Variants in FOXP2 observed in about 807,000 individuals in gnomAD.
FOXP2 encodes forkhead box P2, also known as forkhead box protein P2.
Under a neutral mutation model 115.8 loss-of-function variants are expected in FOXP2, and 12 were observed. That is an observed-to-expected ratio of 0.10 (90% CI 0.07 to 0.17). FOXP2 has a LOEUF of 0.17. Among genes scored for constraint, FOXP2 ranks in the 10% least tolerant of loss-of-function variants. The pLI is 1.00. For synonymous variants in FOXP2, 328 were observed against 297.7 expected (o/e 1.10, Z -1.05); for missense variants, 629 against 843.5 (o/e 0.75, Z 3.15).
At chr7:114,184,229 G>A (rs1398002051) in intron 1 of FOXP2, among the ~76,000 whole-genome samples, 1 of 152,064 alleles carries the variant, frequency 6.6e-6, no homozygotes, top group African/African-American at 2.4e-5. Context: ...GCCCATTTCT[G>A]AGTTGGTTAT....
At chr7:114,572,906 A>G (rs573880410) in intron 3 of FOXP2, among the ~76,000 whole-genome samples, 4 of 151,990 alleles carry the variant, frequency 2.6e-5, no homozygotes, top group African/African-American at 9.6e-5. Context: ...TTGTTGCCCA[A>G]GTTTGTGATG....
chr7:114,531,958 G>A (rs952811328), intron 2 of FOXP2, among the ~76,000 whole-genome samples: 6 of 151,844 alleles, frequency 4.0e-5, no homozygotes, highest in African/African-American at 1.5e-4. Flanking sequence ...TGAATATAAC[G>A]CAGGTTGGTA....
chr7:114,301,502 T>C (rs1796878814), intron 2 of FOXP2, among the ~76,000 whole-genome samples: 2 of 152,202 alleles, frequency 1.3e-5, no homozygotes, highest in Non-Finnish European at 1.5e-5. Context: ...TCCTCTTAAA[T>C]AGTGGTATGC....
At chr7:114,405,493 G>T (rs1423445749) in intron 2 of FOXP2, among the ~76,000 whole-genome samples, 2 of 151,802 alleles carry the variant, frequency 1.3e-5, no homozygotes, top group Non-Finnish European at 3.0e-5. Context: ...AGGAAGAAAA[G>T]AATATCTCTG....
upstream of FOXP2, among the ~76,000 whole-genome samples, chr7:114,160,604 T>A (rs1792801982): frequency 6.6e-6 from 1 of 152,132 alleles, no homozygotes; most frequent in South Asian, 2.1e-4. Flanking sequence ...CTTGAGAGAA[T>A]CTGCAAATGA....
intron 2 of FOXP2, among the ~76,000 whole-genome samples, chr7:114,458,551 T>TC (rs1371719257): frequency 4.8e-5 from 7 of 145,956 alleles, no homozygotes; most frequent in South Asian, 2.2e-4. Context: ...CTTTTCTTTT[T>TC]TTTTTTTTTT....
At chr7:114,508,747 A>C (rs1033331393) in intron 2 of FOXP2, among the ~76,000 whole-genome samples, 1 of 152,094 alleles carries the variant, frequency 6.6e-6, no homozygotes, top group Non-Finnish European at 1.5e-5. Context: ...TCTGGGCTAA[A>C]CTTTAAGAAT....
At chr7:114,536,397 CT>C (rs3997242) in intron 3 of FOXP2, among the ~76,000 whole-genome samples, 8,305 of 112,486 alleles carry the variant, frequency 0.074, 464 homozygotes, top group East Asian at 0.32. Context: ...TTTTTCTTTT[CT>C]TTTTTTTTTT....
In FOXP2 at chr7:114,356,186, A is replaced by G. The variant is rs565318441; in HGVS notation, c.-11+68077A>G. 2.0e-5 allele frequency among the ~76,000 whole-genome samples: 3 copies of G among 152,278 alleles called. No homozygotes were observed. The South Asian group carries it at 6.2e-4, about 32-fold the overall frequency. On this transcript the variant is annotated intron_variant, in intron 2 of 17. Transcript: ENST00000634411. ...AATAAATAAGTTGGTAAGTAAGTAA[A>G]TAAATAAAATGTATCTTCTATTACT...
chr7:114,586,819 T>C (rs768061409), intron 3 of FOXP2, among the ~76,000 whole-genome samples: 39 of 152,202 alleles, frequency 2.6e-4, no homozygotes, highest in Non-Finnish European at 4.0e-4. Flanking sequence ...GTTTTTTTCC[T>C]AATTAATGCT....
chr7:114,125,461 C>A (rs1276432794), intron 1 of FOXP2, among the ~76,000 whole-genome samples: 2 of 152,024 alleles, frequency 1.3e-5, no homozygotes, highest in Non-Finnish European at 2.9e-5. Flanking sequence ...TATTAAGCCT[C>A]ACGTTAATAT....
At chr7:114,360,273 G>A (rs1230422454) in intron 2 of FOXP2, among the ~76,000 whole-genome samples, 1 of 152,104 alleles carries the variant, frequency 6.6e-6, no homozygotes, top group Non-Finnish European at 1.5e-5. Flanking sequence ...GTGAAGCTAT[G>A]AGTCCATTAA....
At chr7:114,132,884 C>G (rs1791930094) in intron 1 of FOXP2, among the ~76,000 whole-genome samples, 1 of 152,068 alleles carries the variant, frequency 6.6e-6, no homozygotes. Context: ...TTGGATTATT[C>G]TAGGCCACTG....
At chr7:114,386,315 TG>T (rs1792451493) in intron 2 of FOXP2, among the ~76,000 whole-genome samples, 1 of 152,246 alleles carries the variant, frequency 6.6e-6, no homozygotes, top group Admixed American at 6.5e-5. Flanking sequence ...GTTGCTGTTA[TG>T]GGTTTTTTAA....
intron 3 of FOXP2, among the ~76,000 whole-genome samples, chr7:114,556,716 A>T (rs1053650682): frequency 5.3e-5 from 8 of 152,228 alleles, no homozygotes; most frequent in Admixed American, 3.3e-4. Flanking sequence ...CTTCTATGAA[A>T]GCATAATACC....
Position 114,678,234 on chromosome 7 carries a change from G to A in FOXP2, c.2004-11548G>A, listed in dbSNP as rs117563220. 5.6e-3 allele frequency among the ~76,000 whole-genome samples: 854 copies of A among 152,294 alleles called. 7 individuals are homozygous for A. Among genetic ancestry groups the A allele is most frequent in the Middle Eastern group, 0.054 (16 of 294 alleles). On this transcript the variant is annotated intron_variant, in intron 16 of 16. Coordinates refer to ENST00000350908, the MANE Select transcript of FOXP2 (RefSeq NM_014491.4). ...ATTGAGCAGAGATGAGGAAAGGCAG[G>A]ATAGATGTAAAGGACATGAGGAGAT...
At chr7:114,188,804 G>T (rs769500163) in intron 1 of FOXP2, among the ~76,000 whole-genome samples, 9 of 152,166 alleles carry the variant, frequency 5.9e-5, no homozygotes, top group Non-Finnish European at 8.8e-5. Flanking sequence ...TATGGGGCTT[G>T]ACCTTTGTAG....
At chr7:114,301,499 A>G (rs1796878648) in intron 2 of FOXP2, among the ~76,000 whole-genome samples, 1 of 152,008 alleles carries the variant, frequency 6.6e-6, no homozygotes, top group Admixed American at 6.6e-5. Flanking sequence ...AACTCCTCTT[A>G]AATAGTGGTA....
upstream of FOXP2, among the ~76,000 whole-genome samples, chr7:114,413,263 T>C (rs993383952): frequency 6.6e-6 from 1 of 152,018 alleles, no homozygotes. Context: ...CTGTGAAGAG[T>C]TGGGAGAAAA....
Sources: gnomAD v4.1 joint callset for allele counts (sites outside exome capture counted in the v4.1 genomes callset) on GRCh38, gnomAD v4.1.1 for gene constraint, MANE v1.5 for transcripts, NCBI Gene and HGNC (gene_info 2026-07-23, HGNC 2026-07-21) for gene names.